EPHA4: variants seen among roughly 807,000 people sequenced by gnomAD.
The protein encoded by EPHA4 is EPH receptor A4.
EPHA4 carries 19 observed loss-of-function variants against 108.3 expected under a neutral mutation model. The observed-to-expected ratio is 0.18, with a 90% confidence interval of 0.12 to 0.26. The LOEUF (loss-of-function observed/expected upper bound fraction) is 0.26. Among genes scored for constraint, EPHA4 ranks in the 10% least tolerant of loss-of-function variants. The pLI is 1.00. For synonymous variants in EPHA4, 449 were observed against 455.5 expected (o/e 0.99, Z 0.18); for missense variants, 917 against 1,254.0 (o/e 0.73, Z 4.06).
chr2:221,562,097 C>T lies in EPHA4; in HGVS notation c.823+1634G>A, dbSNP rs144989581. 2.7e-3 allele frequency among the ~76,000 whole-genome samples: 406 copies of T among 152,212 alleles called. 1 individual carries two copies. The highest frequency in any genetic ancestry group is 4.0e-3 in the Non-Finnish European group (274 of 68,022). ...TATACTTTGGGTTACCAATTCAGTA[C>T]AGCTTATCTAGTAGTTGCTAAGTCA... On this transcript the variant is annotated intron_variant, in intron 3 of 17. Transcript: ENST00000281821.
intron 4 of EPHA4, among the ~76,000 whole-genome samples, chr2:221,486,473 A>T (rs1013485850): frequency 2.0e-5 from 3 of 152,018 alleles, no homozygotes; most frequent in Admixed American, 1.3e-4. Flanking sequence ...GCTCACGCCT[A>T]TAATCCCAGC....
chr2:221,470,628 A>C (rs1691453749), intron 5 of EPHA4, among the ~76,000 whole-genome samples: 1 of 150,846 alleles, frequency 6.6e-6, no homozygotes, highest in African/African-American at 2.4e-5. Context: ...TCCCTAAAGT[A>C]TCACTTTAGG....
rs756184907 is a variant in EPHA4, at chr2:221,482,600, C to A, written c.1070G>T (p.Arg357Leu). ...EWSSPQNTGG[R>L]QDISYNVVCK... is the part of the protein sequence containing the mutation. ...TACCACATTATAGGAAATGTCCTGG[C>A]GGCCACCTGTATTCTGAGGGCTACT... The change falls in exon 5 of 18, where the codon CGC becomes CTC. Residue 357 changes from arginine (R) to leucine (L), a missense_variant. Coordinates refer to ENST00000281821, the MANE Select transcript of EPHA4 (RefSeq NM_004438.5). The A allele has an allele frequency of 1.9e-6, 3 of 1,613,868 alleles. No homozygotes were observed. Among genetic ancestry groups the A allele is most frequent in the Non-Finnish European group, 2.5e-6 (3 of 1,179,938 alleles).
At chr2:221,421,299 C>T (rs1169412882) in intron 17 of EPHA4, among the ~76,000 whole-genome samples, 1 of 121,568 alleles carries the variant, frequency 8.2e-6, no homozygotes, top group South Asian at 2.6e-4. Context: ...GACTCTGTCT[C>T]AAAAAAAAAA....
chr2:221,521,203 T>C (rs190028189), intron 3 of EPHA4, among the ~76,000 whole-genome samples: 1 of 152,370 alleles, frequency 6.6e-6, no homozygotes, highest in Non-Finnish European at 1.5e-5. Flanking sequence ...AATGAACTAA[T>C]TATTGCTTGG....
intron 5 of EPHA4, among the ~76,000 whole-genome samples, chr2:221,461,050 T>G (rs1691122026): frequency 6.6e-6 from 1 of 152,238 alleles, no homozygotes; most frequent in African/African-American, 2.4e-5. Flanking sequence ...CAATGTTTGC[T>G]GGACACTCTT....
chr2:221,544,049 C>T (rs1316946790), intron 3 of EPHA4, among the ~76,000 whole-genome samples: 2 of 152,122 alleles, frequency 1.3e-5, no homozygotes, highest in Non-Finnish European at 2.9e-5. Flanking sequence ...CTAGCTAGCT[C>T]TCTGGGGTCC....
At chr2:221,544,669 G>A (rs1442325122) in intron 3 of EPHA4, among the ~76,000 whole-genome samples, 1 of 152,112 alleles carries the variant, frequency 6.6e-6, no homozygotes, top group East Asian at 1.9e-4. Context: ...ATACATGAAT[G>A]TGGGGGGAAT....
chr2:221,442,822 C>G lies in EPHA4; in HGVS notation c.2074+7G>C. ...GCTTGGCTTTGTAAAGGGGGTGACCCACGTACATTTAGTGACCACGCCTTC... is the reference window on the plus strand; with the variant it reads ...GCTTGGCTTTGTAAAGGGGGTGACCGACGTACATTTAGTGACCACGCCTTC... On this transcript the variant is annotated splice_region_variant and intron_variant, in intron 11 of 17. Coordinates refer to ENST00000281821, the MANE Select transcript of EPHA4 (RefSeq NM_004438.5). The G allele has an allele frequency of 1.2e-6, 2 of 1,613,968 alleles. No individual in the cohort carries two copies. Among genetic ancestry groups the G allele is most frequent in the Non-Finnish European group, 1.7e-6 (2 of 1,179,920 alleles).
intron 11 of EPHA4, among the ~76,000 whole-genome samples, chr2:221,438,153 A>G (rs577940414): frequency 6.6e-6 from 1 of 152,138 alleles, no homozygotes; most frequent in Non-Finnish European, 1.5e-5. Context: ...ATACTAGAAC[A>G]TCCTTATTTC....
At chr2:221,436,656 T>A (rs1690249664) in intron 12 of EPHA4, 48 bp from the exon 13 acceptor site, 1 of 1,549,228 alleles carries the variant, frequency 6.5e-7, no homozygotes, top group Non-Finnish European at 8.9e-7. Flanking sequence ...TTAGGCCAAG[T>A]TAATTCTCAC....
chr2:221,566,950 G>GGAAGAGGA (rs1559297367), intron 2 of EPHA4, among the ~76,000 whole-genome samples: 1 of 7,116 alleles, frequency 1.4e-4, no homozygotes, highest in African/African-American at 4.2e-4. Flanking sequence ...GAAGGAGAAG[G>GGAAGAGGA]AGAAGGGGAA....
At chr2:221,506,358 C>T (rs571164755) in intron 3 of EPHA4, among the ~76,000 whole-genome samples, 99 of 152,196 alleles carry the variant, frequency 6.5e-4, no homozygotes, top group African/African-American at 2.3e-3. Context: ...AAAAGCATTA[C>T]AGCTTTTGAA....
At chr2:221,493,336 A>G (rs185773552) in intron 4 of EPHA4, among the ~76,000 whole-genome samples, 3 of 152,304 alleles carry the variant, frequency 2.0e-5, no homozygotes, top group Admixed American at 1.3e-4. Flanking sequence ...CCTTAGCCAG[A>G]CTGCTAAGCA....
At chr2:221,515,262 A>T (rs940450081) in intron 3 of EPHA4, among the ~76,000 whole-genome samples, 18 of 152,084 alleles carry the variant, frequency 1.2e-4, no homozygotes, top group Admixed American at 1.0e-3. Context: ...TGCATGGCTA[A>T]TTTTGTATTT....
At chr2:221,514,088 C>CGGGG (rs200867792) in intron 3 of EPHA4, among the ~76,000 whole-genome samples, 1 of 118,180 alleles carries the variant, frequency 8.5e-6, no homozygotes, top group Non-Finnish European at 1.6e-5. Context: ...TCCTGTAAGC[C>CGGGG]GGGGGGAGGG....
intron 13 of EPHA4, among the ~76,000 whole-genome samples, chr2:221,434,540 C>T: frequency 6.6e-6 from 1 of 152,194 alleles, no homozygotes; most frequent in East Asian, 1.9e-4. Flanking sequence ...TATCTGAGCT[C>T]TGCTTAAGGC....
At chr2:221,538,835 T>C (rs1693748173) in intron 3 of EPHA4, among the ~76,000 whole-genome samples, 1 of 152,246 alleles carries the variant, frequency 6.6e-6, no homozygotes, top group African/African-American at 2.4e-5. Flanking sequence ...CATTTTTACA[T>C]TTTCCTTTTT....
intron 4 of EPHA4, among the ~76,000 whole-genome samples, chr2:221,494,087 C>T (rs538736040): frequency 9.2e-5 from 14 of 152,252 alleles, no homozygotes; most frequent in African/African-American, 3.4e-4. Context: ...AATCACCAGG[C>T]TCTAAGAAGT....
Sources: allele counts gnomAD v4.1 joint callset (sites outside exome capture counted in the v4.1 genomes callset), GRCh38; gene constraint gnomAD v4.1.1; transcripts MANE v1.5; gene names NCBI Gene and HGNC (gene_info 2026-07-23, HGNC 2026-07-21).